The following DNAH9 variants were observed in gnomAD, a reference collection of about 807,000 sequenced individuals.
The protein encoded by DNAH9 is DNAH9 variant protein.
In DNAH9, 345 loss-of-function variants were observed where a neutral mutation model predicts 471.6. That is an observed-to-expected ratio of 0.73 (90% CI 0.67 to 0.80). DNAH9 has a LOEUF of 0.80. Among genes scored for constraint, DNAH9 ranks in the 30% least tolerant of loss-of-function variants. DNAH9 has a pLI of 0.00. For synonymous variants in DNAH9, 2,093 were observed against 2,123.6 expected (o/e 0.99, Z 0.40); for missense variants, 5,407 against 5,609.2 (o/e 0.96, Z 1.15).
intron 67 of DNAH9, among the ~76,000 whole-genome samples, chr17:11,952,830 C>T (rs994356664): frequency 2.0e-5 from 3 of 152,118 alleles, no homozygotes; most frequent in Non-Finnish European, 4.4e-5. Flanking sequence ...AACAAAATAC[C>T]GTAGACGGTG....
intron 53 of DNAH9, 106 bp from the exon 54 acceptor site, chr17:11,879,972 C>T: frequency 2.9e-6 from 4 of 1,356,116 alleles, no homozygotes; most frequent in Admixed American, 1.9e-5. Context: ...AGCTGTGCCT[C>T]CAACTATACC....
intron 25 of DNAH9, 140 bp downstream of exon 25, chr17:11,704,582 C>A: frequency 1.7e-5 from 9 of 527,054 alleles, no homozygotes; most frequent in Non-Finnish European, 1.9e-5. Context: ...GCTGCTCCTA[C>A]TTTTTTTTTT....
intron 26 of DNAH9, among the ~76,000 whole-genome samples, chr17:11,718,688 G>T (rs2075005971): frequency 6.6e-6 from 1 of 152,198 alleles, no homozygotes; most frequent in Non-Finnish European, 1.5e-5. Flanking sequence ...TGTGCCTAGA[G>T]TGTGCTAAGT....
intron 35 of DNAH9, among the ~76,000 whole-genome samples, chr17:11,758,956 T>TAA (rs1967525233): frequency 1.3e-5 from 2 of 152,122 alleles, no homozygotes; most frequent in Non-Finnish European, 2.9e-5. Flanking sequence ...TGTAATGGGC[T>TAA]AAAGCAGCCC....
chr17:11,724,646 T>C (rs1327663723), intron 27 of DNAH9, among the ~76,000 whole-genome samples: 2 of 152,234 alleles, frequency 1.3e-5, no homozygotes, highest in Non-Finnish European at 2.9e-5. Flanking sequence ...GATTTCTGAA[T>C]TTCCACTTAG....
intron 27 of DNAH9, among the ~76,000 whole-genome samples, chr17:11,724,329 C>T (rs1218019993): frequency 6.6e-6 from 1 of 152,156 alleles, no homozygotes; most frequent in African/African-American, 2.4e-5. Flanking sequence ...ACCAACTTCT[C>T]TTCATTTTCT....
chr17:11,967,446 A>G (rs747312650), intron 68 of DNAH9, among the ~76,000 whole-genome samples: 21 of 152,146 alleles, frequency 1.4e-4, no homozygotes, highest in Non-Finnish European at 2.9e-4. Context: ...ACCACTAATA[A>G]TTTAAAAAAT....
chr17:11,605,327 T>C (rs193251903), intron 1 of DNAH9, among the ~76,000 whole-genome samples: 57 of 152,344 alleles, frequency 3.7e-4, no homozygotes, highest in Non-Finnish European at 6.3e-4. Flanking sequence ...GTTTCTTGAC[T>C]GTCTCTCCCT....
Position 11,937,173 on chromosome 17 carries a change from T to C in DNAH9, c.12490-179T>C, listed in dbSNP as rs1352543393. On this transcript the variant is annotated intron_variant, in intron 65 of 68. Coordinates refer to ENST00000262442, the MANE Select transcript of DNAH9 (RefSeq NM_001372.4). This position sits in a 1 kb window ranked among gnomAD's most constrained non-coding sequence, Gnocchi z 4.1. ...GGGAAACGGGTCCAGCCGACAAAAATGGATGATGTCAAGGTGCACTAATAG... is the reference window on the plus strand; with the variant it reads ...GGGAAACGGGTCCAGCCGACAAAAACGGATGATGTCAAGGTGCACTAATAG... Among the ~76,000 whole-genome samples, 6 of 152,012 alleles carry C rather than the reference T, an allele frequency of 3.9e-5. No individual in the cohort carries two copies. The highest frequency in any genetic ancestry group is 1.9e-4 in the East Asian group (1 of 5,176).
chr17:11,962,365 A>C lies in DNAH9; in HGVS notation c.13233+109A>C. On this transcript the variant is annotated intron_variant, in intron 68 of 68. Transcript: ENST00000262442. The surrounding 1 kb of genome is among the most constrained non-coding windows in gnomAD (Gnocchi z 4.1). Reference sequence around the variant, plus strand: ...GAGATATTCCTGAATCTTTTTCTCTAGCTAACCTTCTTTCCTTGAGGCCAT... The same window carrying C: ...GAGATATTCCTGAATCTTTTTCTCTCGCTAACCTTCTTTCCTTGAGGCCAT... 1.4e-6 allele frequency: 2 copies of C among 1,447,096 alleles called. No homozygotes were observed. The allele number at this position is 1,447,096 out of a possible 1,614,324, so 89.6% of individuals were successfully genotyped here.
chr17:11,607,699 A>T (rs550121192), intron 1 of DNAH9, among the ~76,000 whole-genome samples: 5 of 152,152 alleles, frequency 3.3e-5, no homozygotes, highest in Non-Finnish European at 5.9e-5. Context: ...CCTCCCGAGT[A>T]GCTGTGATCA....
At chr17:11,794,171 A>G (rs1013997017) in intron 42 of DNAH9, among the ~76,000 whole-genome samples, 2 of 150,088 alleles carry the variant, frequency 1.3e-5, no homozygotes, top group African/African-American at 5.0e-5. Context: ...CAGCCTCCCG[A>G]GTAGCTGGGA....
intron 14 of DNAH9, among the ~76,000 whole-genome samples, chr17:11,656,138 A>G (rs2073642730): frequency 6.6e-6 from 1 of 152,146 alleles, no homozygotes; most frequent in Non-Finnish European, 1.5e-5. Context: ...AGGAATCTCC[A>G]CAGTGTTTTT....
chr17:11,621,504 G>A (rs941533151), intron 6 of DNAH9, among the ~76,000 whole-genome samples: 4 of 151,928 alleles, frequency 2.6e-5, no homozygotes, highest in African/African-American at 7.3e-5. Context: ...AGGAAAGAGA[G>A]CTATGCTGGG....
rs890725099 is a variant in DNAH9 at position 11,951,646 on chromosome 17, C to T, written c.12843+9161C>T. ...AGGGAAAAAAAATTAAAAATTCGGC[C>T]GGGTGTGGTGGCTCACACCTGTAAT... On this transcript the variant is annotated intron_variant, in intron 67 of 68. Transcript: ENST00000262442. Among the ~76,000 whole-genome samples the T allele has an allele frequency of 5.9e-5, 9 of 151,986 alleles. No homozygotes were observed. In the South Asian group the frequency reaches 6.2e-4, roughly 11 times the overall value.
chr17:11,727,784 G>T, intron 27 of DNAH9, 34 bp from the exon 28 acceptor site: 1 of 1,456,048 alleles, frequency 6.9e-7, no homozygotes, highest in South Asian at 1.1e-5. Flanking sequence ...AGCCTGGCCC[G>T]TTGGTAATTT....
rs758790269 is a variant in DNAH9, at chr17:11,905,710, C to G, written c.11650C>G (p.Leu3884Val). The G allele has an allele frequency of 6.2e-7, 1 of 1,614,050 alleles. No individual in the cohort carries two copies. The highest frequency in any genetic ancestry group is 1.1e-5 in the South Asian group (1 of 91,074). Residue 3884 changes from leucine to valine, a missense_variant, in exon 61 of 69, where the codon CTA (leucine) becomes GTA (valine). Physicochemically the swap from Leu to Val is conservative, Grantham distance 32. Transcript: ENST00000262442. ...LGSKYVVGRALDFATSFEESG... is the reference protein window; with the variant it reads ...LGSKYVVGRAVDFATSFEESG... ...AAGCAAATACGTGGTGGGAAGAGCC[C>G]TAGATTTTGCAACCTCATTTGAAGA...
At chr17:11,829,618 C>T (rs1970619655) in intron 48 of DNAH9, among the ~76,000 whole-genome samples, 1 of 152,048 alleles carries the variant, frequency 6.6e-6, no homozygotes, top group South Asian at 2.1e-4. Context: ...ACTACAGGTG[C>T]GTGCCACCGT....
At chr17:11,763,643 A>T in intron 36 of DNAH9, 29 bp downstream of exon 36, 1 of 1,605,258 alleles carries the variant, frequency 6.2e-7, no homozygotes, top group Non-Finnish European at 8.5e-7. Context: ...CTCAACAACC[A>T]CACTGAAGTC....
Sources: gnomAD v4.1 joint callset for allele counts (sites outside exome capture counted in the v4.1 genomes callset) on GRCh38, gnomAD v4.1.1 for gene constraint, Gnocchi (gnomAD v3.1) non-coding constraint, MANE v1.5 for transcripts, NCBI Gene and HGNC (gene_info 2026-07-23, HGNC 2026-07-21) for gene names.